Variants in DDR2 observed in about 807,000 individuals in gnomAD.
DDR2 encodes the protein discoidin domain-containing receptor 2.
DDR2 carries 27 observed loss-of-function variants against 94.9 expected under a neutral mutation model. The observed-to-expected ratio is 0.28, with a 90% CI of 0.21 to 0.39. DDR2 has a LOEUF of 0.39. Ranked by LOEUF, DDR2 falls within the 10% of genes least tolerant of loss-of-function variation. The pLI, the probability that DDR2 is intolerant of heterozygous loss-of-function variation, is 1.00. For synonymous variants in DDR2, 382 were observed against 377.2 expected (o/e 1.01, Z -0.15); for missense variants, 783 against 1,076.0 (o/e 0.73, Z 3.81).
intron 3 of DDR2, among the ~76,000 whole-genome samples, chr1:162,724,167 A>G (rs1661545740): frequency 6.6e-6 from 1 of 152,170 alleles, no homozygotes; most frequent in Admixed American, 6.5e-5. Flanking sequence ...ACATTTAGCT[A>G]ATAGTTAAGC....
upstream of DDR2, chr1:162,632,064 C>CT (rs1268006755): frequency 6.9e-6 from 1 of 144,922 alleles, no homozygotes; most frequent in Non-Finnish European, 1.5e-5. Context: ...AAACTCCAAA[C>CT]TTTAAGTTTT....
rs567661817 is a variant in DDR2 at position 162,776,001 on chromosome 1, G to C, written c.2049-135G>C. 63 of 1,301,566 alleles carry C rather than the reference G, an allele frequency of 4.8e-5. 1 individual carries two copies. In the South Asian group the frequency reaches 5.0e-4, roughly 10 times the overall value. 80.6% of individuals were successfully genotyped at this position (1,301,566 alleles called of 1,614,324 possible). A position where few individuals can be genotyped will look rare whatever the true frequency, so the allele number is the denominator to read the frequency against. ...TGGAGCAGCTGCCCTTTGGGGAAAC[G>C]CAAGGGATTCATCAAGAGTAGAGAA... On this transcript the variant is annotated intron_variant, in intron 15 of 17. Transcript: ENST00000367921.
At chr1:162,634,163 C>T (rs914769676) in intron 1 of DDR2, among the ~76,000 whole-genome samples, 1 of 152,182 alleles carries the variant, frequency 6.6e-6, no homozygotes, top group African/African-American at 2.4e-5. Flanking sequence ...TCAGAGGCCA[C>T]TTCTGCACTT....
chr1:162,690,103 C>T (rs1318814260), intron 2 of DDR2, among the ~76,000 whole-genome samples: 6 of 151,514 alleles, frequency 4.0e-5, no homozygotes, highest in Non-Finnish European at 8.8e-5. Flanking sequence ...GTATTGAGCA[C>T]GTCCTGAGAG....
chr1:162,758,161 C>T (rs1411025021), intron 7 of DDR2, among the ~76,000 whole-genome samples: 1 of 151,990 alleles, frequency 6.6e-6, no homozygotes, highest in East Asian at 1.9e-4. Flanking sequence ...TGGCTCTTAA[C>T]TCCAGGGGAA....
At chr1:162,767,384 A>T in intron 11 of DDR2, 25 bp downstream of exon 11, 2 of 1,613,038 alleles carry the variant, frequency 1.2e-6, no homozygotes, top group African/African-American at 1.3e-5. Context: ...AATGGTCATG[A>T]TATAAGAAAC....
chr1:162,693,922 T>C (rs951966140), intron 2 of DDR2, among the ~76,000 whole-genome samples: 1 of 152,222 alleles, frequency 6.6e-6, no homozygotes, highest in Non-Finnish European at 1.5e-5. Context: ...TCATGATCCA[T>C]TTGATTTCAT....
chr1:162,685,386 A>G (rs966889589), intron 2 of DDR2, among the ~76,000 whole-genome samples: 2 of 152,200 alleles, frequency 1.3e-5, no homozygotes. Flanking sequence ...TCCTAACATT[A>G]TGTATTTCTT....
chr1:162,646,738 G>T (rs900695682), intron 1 of DDR2, among the ~76,000 whole-genome samples: 4 of 152,112 alleles, frequency 2.6e-5, no homozygotes, highest in African/African-American at 9.7e-5. Context: ...ATATGCATCA[G>T]AATCACCTGG....
intron 11 of DDR2, 43 bp downstream of exon 11, chr1:162,767,402 T>G (rs1453356713): frequency 6.2e-7 from 1 of 1,610,006 alleles, no homozygotes; most frequent in African/African-American, 1.3e-5. Context: ...AACTGCTCCT[T>G]TCTTTCTTAA....
At chr1:162,728,156 A>T (rs189202229) in intron 3 of DDR2, among the ~76,000 whole-genome samples, 115 of 138,628 alleles carry the variant, frequency 8.3e-4, no homozygotes, top group African/African-American at 2.7e-3. Flanking sequence ...AGATATATCT[A>T]TATAAATATA....
At chr1:162,702,960 TCACCTAG>T (rs1229563570) in intron 2 of DDR2, among the ~76,000 whole-genome samples, 1 of 152,232 alleles carries the variant, frequency 6.6e-6, no homozygotes, top group African/African-American at 2.4e-5. Flanking sequence ...TTCTTCTTTA[TCACCTAG>T]CATATTTTCT....
At chr1:162,658,702 C>G (rs1441495326) in intron 2 of DDR2, among the ~76,000 whole-genome samples, 1 of 151,000 alleles carries the variant, frequency 6.6e-6, no homozygotes, top group African/African-American at 2.4e-5. Context: ...ATGGGGCCTG[C>G]CTGTCGTTCC....
intron 2 of DDR2, among the ~76,000 whole-genome samples, chr1:162,656,300 G>A (rs61811283): frequency 0.026 from 3,968 of 152,288 alleles, 62 homozygotes; most frequent in South Asian, 0.041. Context: ...CTTCTGGAAT[G>A]AGTGCTGAAT....
intron 16 of DDR2, among the ~76,000 whole-genome samples, chr1:162,777,149 G>T (rs73026579): frequency 0.016 from 2,403 of 152,120 alleles, 46 homozygotes; most frequent in African/African-American, 0.044. Context: ...AAAATGTATA[G>T]TTATTCCCTT....
intron 2 of DDR2, among the ~76,000 whole-genome samples, chr1:162,676,475 G>A (rs1030531463): frequency 7.9e-5 from 12 of 152,216 alleles, no homozygotes; most frequent in South Asian, 4.1e-4. Context: ...TTTATCTCCA[G>A]AGTCTAGCTC....
Position 162,740,410 on chromosome 1 carries a change from T to C in DDR2, c.83-12685T>C, listed in dbSNP as rs1662530619. 2.0e-5 allele frequency among the ~76,000 whole-genome samples: 3 copies of C among 152,306 alleles called. No homozygotes were observed. In the South Asian group the frequency reaches 6.2e-4, roughly 32 times the overall value. ...CTTTGGGTAAACTGCCTCCTTGCTG[T>C]ACCTCAAACCACCTCCACAACAAGC... On this transcript the variant is annotated intron_variant, in intron 3 of 17. Transcript: ENST00000367921.
chr1:162,708,590 G>A (rs1456689741), intron 2 of DDR2, among the ~76,000 whole-genome samples: 1 of 152,138 alleles, frequency 6.6e-6, no homozygotes, highest in Non-Finnish European at 1.5e-5. Flanking sequence ...CCACAGAAGT[G>A]GCTGCCACTC....
intron 2 of DDR2, among the ~76,000 whole-genome samples, chr1:162,711,225 G>T (rs1352401376): frequency 5.3e-5 from 8 of 152,168 alleles, no homozygotes; most frequent in African/African-American, 1.9e-4. Context: ...CTATTCAAAG[G>T]AACCCAGCAC....
Sources: gnomAD v4.1 joint callset for allele counts (sites outside exome capture counted in the v4.1 genomes callset) on GRCh38, gnomAD v4.1.1 for gene constraint, MANE v1.5 for transcripts, NCBI Gene and HGNC (gene_info 2026-07-23, HGNC 2026-07-21) for gene names.